The following CDH13 variants were observed in gnomAD, a reference collection of about 807,000 sequenced individuals.
The protein encoded by CDH13 is cadherin 13, also known as cadherin-13.
Under a neutral mutation model 63.8 loss-of-function variants are expected in CDH13, and 24 were observed. That is an observed-to-expected ratio of 0.38 (90% CI 0.27 to 0.53). The LOEUF (loss-of-function observed/expected upper bound fraction) is 0.53, where lower values mean the gene tolerates loss of function less well. CDH13 is among the 20% of genes least tolerant of loss of function. The pLI is 0.85. For missense variants in CDH13, 1,049 were observed against 903.1 expected (o/e 1.16, Z -2.07); for synonymous variants, 503 against 355.3 (o/e 1.42, Z -4.67).
chr16:83,553,882 C>T (rs766192227), intron 7 of CDH13, among the ~76,000 whole-genome samples: 3 of 152,196 alleles, frequency 2.0e-5, no homozygotes, highest in Non-Finnish European at 2.9e-5. Flanking sequence ...TAAATGCCAA[C>T]ATAATATTCA....
intron 5 of CDH13, among the ~76,000 whole-genome samples, chr16:83,254,053 G>A (rs991473393): frequency 1.3e-5 from 2 of 152,156 alleles, no homozygotes; most frequent in African/African-American, 4.8e-5. Context: ...CCTGAGAGAA[G>A]GACAAGACGC....
At chr16:82,690,245 AAG>A (rs1915516341) in intron 1 of CDH13, among the ~76,000 whole-genome samples, 2 of 151,474 alleles carry the variant, frequency 1.3e-5, no homozygotes, top group Non-Finnish European at 2.9e-5. Flanking sequence ...AATAAATATG[AAG>A]AAGAATGGTG....
intron 6 of CDH13, among the ~76,000 whole-genome samples, chr16:83,454,996 C>T (rs1432300892): frequency 6.6e-6 from 1 of 152,220 alleles, no homozygotes; most frequent in African/African-American, 2.4e-5. Context: ...AGGCATGAGT[C>T]ACCATGCCCA....
chr16:82,832,525 G>A (rs1473500603), intron 1 of CDH13, among the ~76,000 whole-genome samples: 1 of 151,402 alleles, frequency 6.6e-6, no homozygotes, highest in Non-Finnish European at 1.5e-5. Context: ...AGAAAATACA[G>A]TCTATTAAAC....
At chr16:83,739,352 G>A (rs187090734) in intron 10 of CDH13, among the ~76,000 whole-genome samples, 2,142 of 106,516 alleles carry the variant, frequency 0.02, 31 homozygotes, top group Non-Finnish European at 0.04. Flanking sequence ...AATTAAGCAC[G>A]TCCGGTGTGA....
At chr16:83,003,217 C>A (rs1247409888) in intron 2 of CDH13, among the ~76,000 whole-genome samples, 4 of 152,140 alleles carry the variant, frequency 2.6e-5, no homozygotes, top group African/African-American at 9.7e-5. Flanking sequence ...GAGGCCAATG[C>A]AAATATATTT....
intron 4 of CDH13, among the ~76,000 whole-genome samples, chr16:83,176,704 G>T (rs986345508): frequency 6.6e-5 from 10 of 151,894 alleles, no homozygotes; most frequent in Non-Finnish European, 1.2e-4. Flanking sequence ...TCTTAAAAGG[G>T]GGTTGGGGTG....
At chr16:83,608,170 G>A (rs1388140795) in intron 8 of CDH13, among the ~76,000 whole-genome samples, 1 of 152,134 alleles carries the variant, frequency 6.6e-6, no homozygotes, top group African/African-American at 2.4e-5. Flanking sequence ...AATTCAATGA[G>A]TTCTTTCTAA....
At chr16:82,731,866 G>A (rs1257771517) in intron 1 of CDH13, among the ~76,000 whole-genome samples, 2 of 152,136 alleles carry the variant, frequency 1.3e-5, no homozygotes, top group East Asian at 1.9e-4. Flanking sequence ...TGGTTTTTGT[G>A]TAGAGCCAAT....
At chr16:83,416,019 A>T (rs558177891) in intron 6 of CDH13, among the ~76,000 whole-genome samples, 2 of 152,348 alleles carry the variant, frequency 1.3e-5, no homozygotes, top group South Asian at 2.1e-4. Context: ...CCCATTAAAA[A>T]CTATTAGAAT....
At chr16:83,634,204 A>G (rs143050066) in intron 8 of CDH13, among the ~76,000 whole-genome samples, 63 of 150,496 alleles carry the variant, frequency 4.2e-4, no homozygotes, top group African/African-American at 1.5e-3. Context: ...TGTGACCACC[A>G]CCACCATCAT....
At chr16:82,663,348 G>A (rs376937524) in intron 1 of CDH13, among the ~76,000 whole-genome samples, 103 of 152,122 alleles carry the variant, frequency 6.8e-4, no homozygotes, top group African/African-American at 1.8e-3. Context: ...CACCAGGCCC[G>A]GCTAATTTTG....
At chr16:83,676,684 C>A (rs1419167616) in intron 9 of CDH13, among the ~76,000 whole-genome samples, 2 of 152,142 alleles carry the variant, frequency 1.3e-5, no homozygotes, top group South Asian at 2.1e-4. Flanking sequence ...TATTACTGAC[C>A]CTGCTGGGAG....
intron 7 of CDH13, among the ~76,000 whole-genome samples, chr16:83,574,558 T>G (rs997442450): frequency 1.4e-4 from 21 of 152,214 alleles, no homozygotes; most frequent in Non-Finnish European, 2.8e-4. Context: ...GCCTCACCAC[T>G]TACCAACCAC....
chr16:82,690,306 A>C (rs1012413205), intron 1 of CDH13, among the ~76,000 whole-genome samples: 5 of 152,136 alleles, frequency 3.3e-5, no homozygotes, highest in African/African-American at 1.2e-4. Flanking sequence ...AGCTTTGGAA[A>C]TGTGTCAACC....
In CDH13 at chr16:83,217,901, C is replaced by T. The variant is rs1008379380; in HGVS notation, c.636+404C>T. On this transcript the variant is annotated intron_variant, in intron 5 of 13. Coordinates refer to ENST00000567109, the MANE Select transcript of CDH13 (RefSeq NM_001257.5). The stretch of plus-strand genomic sequence containing the variant: ...AGGGTGAAAACAGTTGCTAAATATT[C>T]AGCCATAAAGGAGTAGTTAAATTAT... Among the ~76,000 whole-genome samples, 3 of 152,304 alleles carry T rather than the reference C, an allele frequency of 2.0e-5. No homozygotes were observed. In the East Asian group the frequency reaches 5.8e-4, roughly 29 times the overall value.
chr16:83,053,099 A>G (rs549523224), intron 3 of CDH13, among the ~76,000 whole-genome samples: 1 of 152,204 alleles, frequency 6.6e-6, no homozygotes. Flanking sequence ...TTAGAGTTGA[A>G]TGAGATAATT....
chr16:83,354,978 G>GT (rs1277161714), intron 6 of CDH13, among the ~76,000 whole-genome samples: 3 of 152,236 alleles, frequency 2.0e-5, no homozygotes, highest in Non-Finnish European at 4.4e-5. Context: ...GCAAAAGTAT[G>GT]TAATACCTGA....
chr16:83,326,726 C>G (rs1292196983), intron 5 of CDH13, among the ~76,000 whole-genome samples: 1 of 152,138 alleles, frequency 6.6e-6, no homozygotes, highest in Non-Finnish European at 1.5e-5. Context: ...GAACAAGTCA[C>G]TAAGACACTT....
Sources: gnomAD v4.1 joint callset for allele counts (sites outside exome capture counted in the v4.1 genomes callset) on GRCh38, gnomAD v4.1.1 for gene constraint, MANE v1.5 for transcripts, NCBI Gene and HGNC (gene_info 2026-07-23, HGNC 2026-07-21) for gene names.